Variants in INTS14 observed in about 807,000 individuals in gnomAD.
The protein encoded by INTS14 is integrator complex subunit 14, also known as UPF0464 protein C15orf44.
In INTS14, 27 loss-of-function variants were observed where a neutral mutation model predicts 56.9. The observed-to-expected ratio is 0.47, with a 90% CI of 0.35 to 0.65. The LOEUF (loss-of-function observed/expected upper bound fraction) is 0.65, where lower values mean the gene tolerates loss of function less well. INTS14 is among the 30% of genes least tolerant of loss of function. INTS14 has a pLI of 0.00. For synonymous variants in INTS14, 207 were observed against 236.2 expected (o/e 0.88, Z 1.13); for missense variants, 517 against 632.2 (o/e 0.82, Z 1.95).
At chr15:65,610,788 A>G in intron 1 of INTS14, 2 of 1,535,590 alleles carry the variant, frequency 1.3e-6, no homozygotes, top group Non-Finnish European at 1.7e-6. Flanking sequence ...TGGGAGATGT[A>G]TTTTTACCTT....
Position 65,591,649 on chromosome 15 carries a change from G to T in INTS14, c.1069C>A (p.Pro357Thr). The T allele has an allele frequency of 6.2e-7, 1 of 1,614,132 alleles. No individual in the cohort carries two copies. The highest frequency in any genetic ancestry group is 8.5e-7 in the Non-Finnish European group (1 of 1,180,012). The part of the protein sequence containing the change: ...NLMMSLFEPG[P>T]EPLPWLGKMA... ...TTCCCTAGCCATGGGAGAGGTTCTG[G>T]GCCAGGCTCAAAGAGAGACATCATG... Residue 357 changes from proline (P) to threonine (T), a missense_variant, in exon 9 of 12, where the codon CCA becomes ACA. By Grantham distance (38) the Pro-to-Thr change is conservative. Transcript: ENST00000313182.
chr15:65,600,077 G>T, intron 3 of INTS14, 148 bp from the exon 4 acceptor site: 2 of 821,430 alleles, frequency 2.4e-6, no homozygotes, highest in Non-Finnish European at 3.7e-6. Context: ...GGAGGCCAAG[G>T]CAGGACTGCT....
chr15:65,601,465 C>T (rs1011854456), intron 3 of INTS14, among the ~76,000 whole-genome samples: 3 of 152,188 alleles, frequency 2.0e-5, no homozygotes, highest in African/African-American at 7.2e-5. Flanking sequence ...GCCTCAGCCT[C>T]CCGAGCAGCT....
intron 11 of INTS14, among the ~76,000 whole-genome samples, chr15:65,580,476 G>A (rs2072561794): frequency 6.7e-6 from 1 of 149,292 alleles, no homozygotes; most frequent in Non-Finnish European, 1.5e-5. Flanking sequence ...TCTGCAGGGA[G>A]GATGGACTGT....
chr15:65,594,559 T>G (rs1191494954), intron 7 of INTS14, among the ~76,000 whole-genome samples: 1 of 148,966 alleles, frequency 6.7e-6, no homozygotes, highest in Non-Finnish European at 1.5e-5. Context: ...CGCCCAGGTT[T>G]TTTTTTTTTT....
rs1166119394 is a variant in INTS14, at chr15:65,584,899, A to G, written c.1121-11T>C. Reference sequence around the variant, plus strand: ...GGTTTTCTTTAGCATCTTAAAAGAAAAGACATTCTTGAAATGACATCTGGT... The same window carrying G: ...GGTTTTCTTTAGCATCTTAAAAGAAGAGACATTCTTGAAATGACATCTGGT... On this transcript the variant is annotated splice_polypyrimidine_tract_variant and intron_variant, in intron 9 of 11. Coordinates refer to ENST00000313182, the MANE Select transcript of INTS14 (RefSeq NM_001394796.1). 1.2e-6 allele frequency: 2 copies of G among 1,602,134 alleles called. No individual in the cohort carries two copies. The highest frequency in any genetic ancestry group is 4.5e-5 in the East Asian group (2 of 44,426).
Position 65,582,027 on chromosome 15 carries a change from G to T in INTS14, c.1240-8C>A, listed in dbSNP as rs760741517. 3.2e-6 allele frequency: 5 copies of T among 1,575,752 alleles called. No homozygotes were observed. The highest frequency in any genetic ancestry group is 2.6e-6 in the Non-Finnish European group (3 of 1,168,486). Reference sequence around the variant, plus strand: ...AATCTTCTGTACATCTGTCTATTAAGGGTAAAAAAAAAAATCCAACATTAG... The same window carrying T: ...AATCTTCTGTACATCTGTCTATTAATGGTAAAAAAAAAAATCCAACATTAG... On this transcript the variant is annotated splice_region_variant and splice_polypyrimidine_tract_variant and intron_variant, in intron 10 of 11. Coordinates refer to ENST00000313182, the MANE Select transcript of INTS14 (RefSeq NM_001394796.1).
rs527608898 is a variant in INTS14 at position 65,598,517 on chromosome 15, T to A, written c.606-54A>T. The A allele has an allele frequency of 3.8e-5, 59 of 1,551,722 alleles. No individual in the cohort carries two copies. The South Asian group carries it at 6.7e-4, about 18-fold the overall frequency. ...AAGAGTAATACGATACATATGAAGTTAATTTTTCAGGACGCAAGGGTTGTT... is the reference window on the plus strand; with the variant it reads ...AAGAGTAATACGATACATATGAAGTAAATTTTTCAGGACGCAAGGGTTGTT... On this transcript the variant is annotated intron_variant, in intron 5 of 11. Transcript: ENST00000313182.
At chr15:65,583,413 G>C (rs1292130649) in intron 10 of INTS14, among the ~76,000 whole-genome samples, 1 of 152,126 alleles carries the variant, frequency 6.6e-6, no homozygotes, top group Non-Finnish European at 1.5e-5. Context: ...ATCATGCTAA[G>C]TACAAGAAGT....
In INTS14 at chr15:65,581,936, C is replaced by G; in HGVS notation, c.1305+18G>C. ...GTGAACCATATATTTTGGGCACATCCTCTTCTGTCTGTCTCACCTTATAGA... is the reference window on the plus strand; with the variant it reads ...GTGAACCATATATTTTGGGCACATCGTCTTCTGTCTGTCTCACCTTATAGA... On this transcript the variant is annotated intron_variant, in intron 11 of 11. Coordinates refer to ENST00000313182, the MANE Select transcript of INTS14 (RefSeq NM_001394796.1). 6.2e-7 allele frequency: 1 copy of G among 1,610,656 alleles called. No individual in the cohort carries two copies. Among genetic ancestry groups the G allele is most frequent in the African/African-American group, 1.3e-5 (1 of 74,784 alleles).
intron 9 of INTS14, among the ~76,000 whole-genome samples, chr15:65,589,932 C>G (rs1013599942): frequency 6.6e-5 from 10 of 152,182 alleles, no homozygotes; most frequent in African/African-American, 2.4e-4. Context: ...CTGTATCTCA[C>G]AGGCACGAAC....
chr15:65,593,863 G>T (rs1307310960), intron 7 of INTS14, among the ~76,000 whole-genome samples: 1 of 152,158 alleles, frequency 6.6e-6, no homozygotes, highest in African/African-American at 2.4e-5. Context: ...GGGTCTGGGA[G>T]TTGATAGTTA....
chr15:65,593,509 A>G lies in INTS14; in HGVS notation c.905T>C (p.Ile302Thr). The change falls in exon 8 of 12, where the codon ATT becomes ACT. Residue 302 changes from isoleucine to threonine, a missense_variant. Transcript: ENST00000313182. ...ACAAAAGTTGGGTATTTTGCCTGCA[A>G]TCTGATTGGCTGAATTTTCATCTTC... ...DNEDENSANQ[I>T]AGKIPNFCVL... is the part of the protein sequence containing the mutation. 2 of 1,613,954 alleles carry G rather than the reference A, an allele frequency of 1.2e-6. No homozygotes were observed. Among genetic ancestry groups the G allele is most frequent in the Non-Finnish European group, 8.5e-7 (1 of 1,179,948 alleles).
intron 1 of INTS14, chr15:65,610,618 C>G: frequency 6.7e-7 from 1 of 1,485,962 alleles, no homozygotes; most frequent in Non-Finnish European, 9.1e-7. Context: ...TTAGCTCATT[C>G]ATAAAGAACT....
At chr15:65,595,177 G>T (rs1447799417) in intron 7 of INTS14, among the ~76,000 whole-genome samples, 1 of 152,206 alleles carries the variant, frequency 6.6e-6, no homozygotes, top group Admixed American at 6.5e-5. Flanking sequence ...TAATTTTAAA[G>T]AGTTAGAGTC....
chr15:65,610,656 A>G, intron 1 of INTS14: 1 of 1,533,112 alleles, frequency 6.5e-7, no homozygotes, highest in East Asian at 2.4e-5. Context: ...CTCTCAAAGC[A>G]GGATTCTACC....
In INTS14 at chr15:65,581,945, C is replaced by A; in HGVS notation, c.1305+9G>T. ...ATATTTTGGGCACATCCTCTTCTGT[C>A]TGTCTCACCTTATAGAATGTCTGTG... On this transcript the variant is annotated intron_variant, in intron 11 of 11. Coordinates refer to ENST00000313182, the MANE Select transcript of INTS14 (RefSeq NM_001394796.1). 2.5e-6 allele frequency: 4 copies of A among 1,611,852 alleles called. No individual in the cohort carries two copies. Among genetic ancestry groups the A allele is most frequent in the Non-Finnish European group, 3.4e-6 (4 of 1,179,466 alleles).
intron 9 of INTS14, among the ~76,000 whole-genome samples, chr15:65,587,765 A>G (rs1331247139): frequency 6.6e-6 from 1 of 152,154 alleles, no homozygotes; most frequent in East Asian, 1.9e-4. Flanking sequence ...GGATTGCTTT[A>G]GCCCAGGAGT....
Position 65,593,515 on chromosome 15 carries a change from T to C in INTS14, c.899A>G (p.Asn300Ser). 6.2e-7 allele frequency: 1 copy of C among 1,614,000 alleles called. No homozygotes were observed. The highest frequency in any genetic ancestry group is 8.5e-7 in the Non-Finnish European group (1 of 1,179,960). The change falls in exon 8 of 12, where the codon AAT becomes AGT. Residue 300 changes from asparagine (N) to serine (S), a missense_variant. Coordinates refer to ENST00000313182, the MANE Select transcript of INTS14 (RefSeq NM_001394796.1). ...TDDNEDENSA[N>S]QIAGKIPNFC... is the part of the protein sequence containing the mutation. ...GTTGGGTATTTTGCCTGCAATCTGA[T>C]TGGCTGAATTTTCATCTTCATTGTC...
Sources: gnomAD v4.1 joint callset for allele counts (sites outside exome capture counted in the v4.1 genomes callset) on GRCh38, gnomAD v4.1.1 for gene constraint, MANE v1.5 for transcripts, NCBI Gene and HGNC (gene_info 2026-07-23, HGNC 2026-07-21) for gene names.